The following PSD3 variants were observed in gnomAD, a reference collection of about 807,000 sequenced individuals.
PSD3 encodes the protein pleckstrin and Sec7 domain containing 3.
PSD3 carries 49 observed loss-of-function variants against 105.5 expected under a neutral mutation model. The observed-to-expected ratio is 0.46, with a 90% CI of 0.37 to 0.59. The LOEUF is 0.59. PSD3 is among the 20% of genes least tolerant of loss of function. The probability of loss-of-function intolerance (pLI) is 0.00; values close to 1 mark genes in which losing one functional copy is unlikely to be tolerated. For synonymous variants in PSD3, 557 were observed against 457.8 expected, an observed-to-expected ratio of 1.22 and a Z score of -2.77; for missense variants, 1,561 against 1,263.8, an observed-to-expected ratio of 1.24 and a Z score of -3.57.
In PSD3 at chr8:18,806,690, G is replaced by T. The variant is rs140910892; in HGVS notation, c.1635-1792C>A. 1.6e-3 allele frequency among the ~76,000 whole-genome samples: 241 copies of T among 152,262 alleles called. 1 individual carries two copies. The highest frequency in any genetic ancestry group is 2.8e-3 in the Non-Finnish European group (190 of 68,028). On this transcript the variant is annotated intron_variant, in intron 4 of 15. Coordinates refer to ENST00000327040, the MANE Select transcript of PSD3 (RefSeq NM_015310.4). ...TTTGTTACAACCTTAAAAAACCTAA[G>T]AGCCATGCCAGCTGGGCTGAATTGG...
In PSD3 at chr8:19,037,676, C is replaced by T. The variant is rs566921750; in HGVS notation, c.324+46530G>A. ...TGAGTTCCATCTCTATTTAGGCTGG[C>T]ACATCCTCTTCTGCTGCATTTGGAC... On this transcript the variant is annotated intron_variant, in intron 1 of 1. Transcript: ENST00000521475. 3.9e-3 allele frequency among the ~76,000 whole-genome samples: 595 copies of T among 152,272 alleles called. 1 individual carries two copies. Among genetic ancestry groups the T allele is most frequent in the Admixed American group, 6.7e-3 (103 of 15,290 alleles).
chr8:18,572,837 G>A (rs943295722), intron 13 of PSD3, among the ~76,000 whole-genome samples, 165 bp from the exon 14 acceptor site: 5 of 152,074 alleles, frequency 3.3e-5, no homozygotes, highest in African/African-American at 4.8e-5. Context: ...ATTGTCATTC[G>A]ACGATCACCA....
At position 18,893,123 on chromosome 8, in the gene PSD3, C is replaced by T. The variant is rs1043844118; in HGVS notation, c.131-20390G>A. ...TGCAAGGTCAAGATGGCATAAAACACGGTTGCATGTACTGGGCAAGAAGCA... is the reference window on the plus strand; with the variant it reads ...TGCAAGGTCAAGATGGCATAAAACATGGTTGCATGTACTGGGCAAGAAGCA... On this transcript the variant is annotated intron_variant, in intron 2 of 15. Transcript: ENST00000327040. Among the ~76,000 whole-genome samples, 11 of 152,210 alleles carry T rather than the reference C, an allele frequency of 7.2e-5. No homozygotes were observed. In the East Asian group the frequency reaches 1.9e-3, roughly 27 times the overall value.
chr8:18,959,651 G>A (rs577969391), intron 1 of PSD3, among the ~76,000 whole-genome samples: 1 of 152,116 alleles, frequency 6.6e-6, no homozygotes, highest in African/African-American at 2.4e-5. Context: ...TGGGAATCAA[G>A]ACATTACTTT....
At chr8:18,609,097 A>G (rs1174581115) in intron 11 of PSD3, among the ~76,000 whole-genome samples, 1 of 152,190 alleles carries the variant, frequency 6.6e-6, no homozygotes, top group Non-Finnish European at 1.5e-5. Context: ...TTTTCATTTA[A>G]CATATTAATC....
In PSD3 at chr8:19,012,500, A is replaced by G. The variant is rs373306558; in HGVS notation, c.21+1063T>C. Among the ~76,000 whole-genome samples the G allele has an allele frequency of 1.4e-4, 22 of 152,198 alleles. No homozygotes were observed. The South Asian group carries it at 4.4e-3, about 30-fold the overall frequency. On this transcript the variant is annotated intron_variant, in intron 1 of 15. Transcript: ENST00000327040. ...TTCCCTCACATCTCACAAAAATCCA[A>G]TCAACCCCTCCCTTTCAAGGTCCAG...
At position 18,618,358 on chromosome 8, in the gene PSD3, G is replaced by A. The variant is rs573471520; in HGVS notation, c.2410+14255C>T. 1.2e-4 allele frequency among the ~76,000 whole-genome samples: 18 copies of A among 151,426 alleles called. 1 individual carries two copies. Among genetic ancestry groups the A allele is most frequent in the African/African-American group, 3.6e-4 (15 of 41,496 alleles). On this transcript the variant is annotated intron_variant, in intron 11 of 15. Transcript: ENST00000327040. ...TATAACCCAACCACCTTGGGCACAT[G>A]TTCTCAGGTCATCCTGAGGCTACGT...
intron 1 of PSD3, among the ~76,000 whole-genome samples, chr8:18,984,774 C>CT (rs1347712431): frequency 6.6e-6 from 1 of 152,194 alleles, no homozygotes; most frequent in East Asian, 1.9e-4. Context: ...GATCATACTT[C>CT]TGCCAACCTG....
At chr8:18,968,030 C>T (rs182927866) in intron 1 of PSD3, among the ~76,000 whole-genome samples, 1 of 151,964 alleles carries the variant, frequency 6.6e-6, no homozygotes, top group Admixed American at 6.6e-5. Flanking sequence ...ACTCACTGAG[C>T]ACTCTGACCA....
chr8:18,594,838 T>C (rs1433086011), intron 12 of PSD3, among the ~76,000 whole-genome samples: 3 of 152,126 alleles, frequency 2.0e-5, no homozygotes, highest in South Asian at 4.1e-4. Context: ...AGATTCAACA[T>C]AGTACTCAGC....
intron 8 of PSD3, among the ~76,000 whole-genome samples, chr8:18,775,932 T>C (rs895671469): frequency 6.6e-6 from 1 of 152,116 alleles, no homozygotes; most frequent in Non-Finnish European, 1.5e-5. Flanking sequence ...CATCCCACCA[T>C]TGTAGTGTTT....
intron 1 of PSD3, among the ~76,000 whole-genome samples, chr8:18,980,744 A>G (rs1033443712): frequency 6.6e-6 from 1 of 152,100 alleles, no homozygotes; most frequent in African/African-American, 2.4e-5. Flanking sequence ...AACATATCCA[A>G]CTGATCAAAG....
chr8:18,719,842 T>C (rs1184038610), intron 9 of PSD3, among the ~76,000 whole-genome samples: 1 of 152,184 alleles, frequency 6.6e-6, no homozygotes, highest in African/African-American at 2.4e-5. Context: ...ATAGCAAAAC[T>C]CTGTATATTT....
At chr8:18,809,242 A>G (rs1811479151) in intron 4 of PSD3, among the ~76,000 whole-genome samples, 1 of 152,172 alleles carries the variant, frequency 6.6e-6, no homozygotes, top group South Asian at 2.1e-4. Context: ...TTTACAGCCT[A>G]GTAAGGTTGC....
intron 1 of PSD3, among the ~76,000 whole-genome samples, chr8:19,063,971 A>T (rs1828988611): frequency 6.6e-6 from 1 of 151,930 alleles, no homozygotes; most frequent in Non-Finnish European, 1.5e-5. Context: ...GTGAAACCGT[A>T]TCTCTACTAA....
chr8:18,769,548 G>T (rs335217), intron 8 of PSD3, among the ~76,000 whole-genome samples: 82,549 of 151,828 alleles, frequency 0.54, 23,957 homozygotes, highest in Non-Finnish European at 0.65. Context: ...TTTAATAAAG[G>T]TGTGCAATCA....
chr8:18,804,601 T>A lies in PSD3; in HGVS notation c.1831A>T (p.Asn611Tyr). Residue 611 changes from asparagine to tyrosine, a missense_variant and splice_region_variant, in exon 6 of 16, where the codon AAC becomes TAC. Coordinates refer to ENST00000327040, the MANE Select transcript of PSD3 (RefSeq NM_015310.4). ...SDVAKHLGKN[N>Y]EFSKLVAEEY... ...TCTGCAACTAGTTTGCTAAATTCGT[T>A]GCTATAAGAAAACAGAATAGACTTG... 6.2e-7 allele frequency: 1 copy of A among 1,613,062 alleles called. No individual in the cohort carries two copies. Among genetic ancestry groups the A allele is most frequent in the Middle Eastern group, 1.7e-4 (1 of 6,060 alleles).
chr8:18,739,036 G>A (rs915669877), intron 9 of PSD3, among the ~76,000 whole-genome samples: 12 of 152,098 alleles, frequency 7.9e-5, no homozygotes, highest in African/African-American at 2.2e-4. Context: ...GACTAAAGGC[G>A]GATTTCGCCT....
chr8:18,575,327 C>A, intron 12 of PSD3, 42 bp from the exon 13 acceptor site: 2 of 1,472,894 alleles, frequency 1.4e-6, no homozygotes, highest in East Asian at 2.5e-5. Flanking sequence ...AAATCACGAT[C>A]AGATTTCAAC....
Sources: allele counts gnomAD v4.1 joint callset (sites outside exome capture counted in the v4.1 genomes callset), GRCh38; gene constraint gnomAD v4.1.1; transcripts MANE v1.5; gene names NCBI Gene and HGNC (gene_info 2026-07-23, HGNC 2026-07-21).